PCDHGB5: variants seen among roughly 807,000 people sequenced by gnomAD.
PCDHGB5 encodes protocadherin gamma subfamily B, 5, also known as protocadherin gamma-B5.
In PCDHGB5, 48 loss-of-function variants were observed where a neutral mutation model predicts 62.9. That is an observed-to-expected ratio of 0.76 (90% CI 0.61 to 0.97). PCDHGB5 has a LOEUF of 0.97. Ranked by LOEUF, PCDHGB5 falls within the 50% of genes least tolerant of loss-of-function variation. PCDHGB5 has a pLI of 0.00. For missense variants in PCDHGB5, 1,118 were observed against 1,198.6 expected, an observed-to-expected ratio of 0.93 and a Z score of 0.99; for synonymous variants, 474 against 511.2, an observed-to-expected ratio of 0.93 and a Z score of 0.98.
Position 141,432,195 on chromosome 5 carries a change from C to A in PCDHGB5, c.2397+31671C>A, listed in dbSNP as rs1334965321. ...CTCGTCTCTGTGACCGCCCACGACC[C>A]CGACTGTGAAGAGAACGCCCAGATC... On this transcript the variant is annotated intron_variant, in intron 1 of 3. Transcript: ENST00000617380. This position sits in a 1 kb window ranked among gnomAD's most constrained non-coding sequence, Gnocchi z 6.0. 22 of 1,614,088 alleles carry A rather than the reference C, an allele frequency of 1.4e-5. No homozygotes were observed. The highest frequency in any genetic ancestry group is 1.9e-5 in the Non-Finnish European group (22 of 1,180,058).
chr5:141,421,348 G>C lies in PCDHGB5; in HGVS notation c.2397+20824G>C, dbSNP rs202220769. On this transcript the variant is annotated intron_variant, in intron 1 of 3. Coordinates refer to ENST00000617380, the MANE Select transcript of PCDHGB5 (RefSeq NM_018925.3). ...CCGATATTCGGTGCCAGAAGAGACC[G>C]AAAAGGGCTCCTTCGTGGGCAATAT... 9.1e-5 allele frequency: 147 copies of C among 1,613,862 alleles called. No individual in the cohort carries two copies. Among genetic ancestry groups the C allele is most frequent in the Non-Finnish European group, 1.1e-4 (125 of 1,179,904 alleles).
chr5:141,493,206 C>A lies in PCDHGB5; in HGVS notation c.2398-1601C>A, dbSNP rs191090598. Among the ~76,000 whole-genome samples the A allele has an allele frequency of 2.4e-3, 368 of 152,322 alleles. 2 individuals carry two copies. Among genetic ancestry groups the A allele is most frequent in the Admixed American group, 4.5e-3 (69 of 15,296 alleles). On this transcript the variant is annotated intron_variant, in intron 1 of 3. Transcript: ENST00000617380. This position sits in a 1 kb window ranked among gnomAD's most constrained non-coding sequence, Gnocchi z 4.3. ...TATAACTCCTTTGAGAACCTCATCT[C>A]ATTTGCTCTTCCCACCATTGCTGTT...
intron 1 of PCDHGB5, among the ~76,000 whole-genome samples, chr5:141,445,011 T>C (rs970882082): frequency 1.3e-5 from 2 of 152,196 alleles, no homozygotes; most frequent in Non-Finnish European, 2.9e-5. Flanking sequence ...AATTAGGTCT[T>C]TAATTTCTCT....
In PCDHGB5 at chr5:141,399,093, A is replaced by C; in HGVS notation, c.966A>C (p.Gly322=). 6.2e-7 allele frequency: 1 copy of C among 1,613,820 alleles called. No individual in the cohort carries two copies. The part of the protein sequence containing the change: ...SMVVEGRDGG[G]LVAQCTVEIN... Reference sequence around the variant, plus strand: ...TTGTAGAAGGGAGGGATGGTGGTGGACTGGTTGCACAATGTACAGTTGAAA... The same window carrying C: ...TTGTAGAAGGGAGGGATGGTGGTGGCCTGGTTGCACAATGTACAGTTGAAA... The change falls in exon 1 of 4, where the codon GGA becomes GGC. Residue 322 remains glycine (G), a synonymous_variant. Transcript: ENST00000617380.
rs529787438 is a variant in PCDHGB5 at position 141,470,330 on chromosome 5, G to A, written c.2398-24477G>A. Among the ~76,000 whole-genome samples the A allele has an allele frequency of 3.3e-4, 50 of 152,144 alleles. 1 individual carries two copies. The highest frequency in any genetic ancestry group is 1.1e-3 in the African/African-American group (47 of 41,498). ...TTTTCCTCAAATGATCCCATAATTT[G>A]ACCTTAGGAAGCTGTTCAAATAGAC... On this transcript the variant is annotated intron_variant, in intron 1 of 3. Coordinates refer to ENST00000617380, the MANE Select transcript of PCDHGB5 (RefSeq NM_018925.3).
At chr5:141,418,583 T>A (rs1242446631) in intron 1 of PCDHGB5, 1 of 1,613,862 alleles carries the variant, frequency 6.2e-7, no homozygotes, top group Non-Finnish European at 8.5e-7. Flanking sequence ...CCCCCCAGTG[T>A]TCAGCCAGGA....
chr5:141,488,428 C>A (rs1234461104), intron 1 of PCDHGB5, among the ~76,000 whole-genome samples: 1 of 152,186 alleles, frequency 6.6e-6, no homozygotes, highest in Non-Finnish European at 1.5e-5. Context: ...CATGCTTGGC[C>A]TCTGACCACC....
At position 141,490,479 on chromosome 5, in the gene PCDHGB5, C is replaced by T; in HGVS notation, c.2398-4328C>T. 11 of 1,614,216 alleles carry T rather than the reference C, an allele frequency of 6.8e-6. No homozygotes were observed. Among genetic ancestry groups the T allele is most frequent in the Non-Finnish European group, 9.3e-6 (11 of 1,180,032 alleles). ...CGCTGCTAACCAGCCAGCCTTTGGACCGGGAGGCCACATCCCACTATATCA... is the reference window on the plus strand; with the variant it reads ...CGCTGCTAACCAGCCAGCCTTTGGATCGGGAGGCCACATCCCACTATATCA... On this transcript the variant is annotated intron_variant, in intron 1 of 3. Coordinates refer to ENST00000617380, the MANE Select transcript of PCDHGB5 (RefSeq NM_018925.3). This position sits in a 1 kb window ranked among gnomAD's most constrained non-coding sequence, Gnocchi z 5.4.
intron 1 of PCDHGB5, among the ~76,000 whole-genome samples, chr5:141,425,841 C>T (rs936781561): frequency 2.0e-5 from 3 of 152,190 alleles, no homozygotes; most frequent in African/African-American, 7.2e-5. Context: ...ATTCTCTTTG[C>T]TGGGTTAATG....
chr5:141,408,430 C>T, intron 1 of PCDHGB5: 2 of 1,614,012 alleles, frequency 1.2e-6, no homozygotes, highest in South Asian at 1.1e-5. Context: ...TGCACTTCAG[C>T]GTAGACGCGG....
At chr5:141,440,982 A>G (rs940098060) in intron 1 of PCDHGB5, 4 of 152,234 alleles carry the variant, frequency 2.6e-5, no homozygotes, top group Non-Finnish European at 5.9e-5. Context: ...TTCACAACCC[A>G]GAGTACCCAT....
rs202183643 is a variant in PCDHGB5 at position 141,490,646 on chromosome 5, C to T, written c.2398-4161C>T. 9 of 1,614,186 alleles carry T rather than the reference C, an allele frequency of 5.6e-6. No homozygotes were observed. Among genetic ancestry groups the T allele is most frequent in the African/African-American group, 2.7e-5 (2 of 75,054 alleles). ...GCTTACATCCTAGAAAACCGGCCTC[C>T]GGGCTCCCTTCTTTGCACTGTGGCT... On this transcript the variant is annotated intron_variant, in intron 1 of 3. Transcript: ENST00000617380. The surrounding 1 kb of genome is among the most constrained non-coding windows in gnomAD (Gnocchi z 5.4).
At chr5:141,419,555 G>A (rs1411289369) in intron 1 of PCDHGB5, 3 of 1,611,876 alleles carry the variant, frequency 1.9e-6, no homozygotes, top group South Asian at 1.1e-5. Context: ...GCTGTACCCT[G>A]CGCTGGGTCC....
At chr5:141,471,046 C>CT (rs1170588345) in intron 1 of PCDHGB5, among the ~76,000 whole-genome samples, 3,156 of 113,234 alleles carry the variant, frequency 0.028, 57 homozygotes, top group African/African-American at 0.046. Context: ...CCCAAGCCCT[C>CT]TTTTTTTTTT....
intron 1 of PCDHGB5, among the ~76,000 whole-genome samples, chr5:141,433,395 CTA>C (rs1426636882): frequency 1.1e-4 from 17 of 150,770 alleles, no homozygotes; most frequent in African/African-American, 4.1e-4. Flanking sequence ...ATCTATCTAT[CTA>C]TCTATCTATT....
At chr5:141,438,605 T>TAC (rs2098010130) in intron 1 of PCDHGB5, among the ~76,000 whole-genome samples, 1 of 27,802 alleles carries the variant, frequency 3.6e-5, no homozygotes. Flanking sequence ...TATATATATA[T>TAC]ATATATATAT....
chr5:141,413,230 C>T (rs2095618383), intron 1 of PCDHGB5: 4 of 1,613,826 alleles, frequency 2.5e-6, no homozygotes, highest in Non-Finnish European at 3.4e-6. Flanking sequence ...CGGGCTGGTC[C>T]TGCTCTGCCT....
At chr5:141,492,121 C>G (rs1205499685) in intron 1 of PCDHGB5, among the ~76,000 whole-genome samples, 1 of 152,232 alleles carries the variant, frequency 6.6e-6, no homozygotes, top group Non-Finnish European at 1.5e-5. Context: ...CGATTTCTCC[C>G]CAGCTCCCAG....
chr5:141,486,653 C>G lies in PCDHGB5; in HGVS notation c.2398-8154C>G. On this transcript the variant is annotated intron_variant, in intron 1 of 3. Transcript: ENST00000617380. This position sits in a 1 kb window ranked among gnomAD's most constrained non-coding sequence, Gnocchi z 5.0. ...CTTGAATGCGCTTATCTCCTACTCA[C>G]TCCTGGAGCCCAGGAATCGAGATGT... is the stretch of plus-strand genomic sequence containing the variant. 1 of 1,613,968 alleles carries G rather than the reference C, an allele frequency of 6.2e-7. No individual in the cohort carries two copies. Among genetic ancestry groups the G allele is most frequent in the Non-Finnish European group, 8.5e-7 (1 of 1,180,034 alleles).
Sources: allele counts gnomAD v4.1 joint callset (sites outside exome capture counted in the v4.1 genomes callset), GRCh38; gene constraint gnomAD v4.1.1; non-coding constraint Gnocchi (gnomAD v3.1); transcripts MANE v1.5; gene names NCBI Gene and HGNC (gene_info 2026-07-23, HGNC 2026-07-21).